Variants in PTBP3 observed in about 807,000 individuals in gnomAD.
PTBP3 encodes the protein polypyrimidine tract binding protein 3, also known as polypyrimidine tract-binding protein 3.
Under a neutral mutation model 58.7 loss-of-function variants are expected in PTBP3, and 20 were observed. That is an observed-to-expected ratio of 0.34 (90% CI 0.24 to 0.50). The LOEUF (loss-of-function observed/expected upper bound fraction) is 0.50. Among genes scored for constraint, PTBP3 ranks in the 20% least tolerant of loss-of-function variants. The pLI, the probability that PTBP3 is intolerant of heterozygous loss-of-function variation, is 0.98. For synonymous variants in PTBP3, 185 were observed against 219.8 expected (o/e 0.84, Z 1.40); for missense variants, 509 against 637.2 (o/e 0.80, Z 2.17).
At chr9:112,337,377 T>C (rs903919243), upstream of PTBP3, among the ~76,000 whole-genome samples, 1 of 152,196 alleles carries the variant, frequency 6.6e-6, no homozygotes, top group Non-Finnish European at 1.5e-5. Context: ...TGAGTCACTT[T>C]GATTCAAAAA....
intron 2 of PTBP3, among the ~76,000 whole-genome samples, chr9:112,288,598 T>C (rs572683174): frequency 3.9e-5 from 6 of 152,318 alleles, no homozygotes; most frequent in African/African-American, 9.6e-5. Context: ...AATCCTGTTG[T>C]ACTTGTTCTC....
chr9:112,306,400 T>C (rs1229374672), intron 1 of PTBP3, among the ~76,000 whole-genome samples: 2 of 151,214 alleles, frequency 1.3e-5, no homozygotes, highest in Admixed American at 6.6e-5. Flanking sequence ...GCTCAAGCTA[T>C]TTGCCCGCTT....
chr9:112,219,683 C>T lies in PTBP3; in HGVS notation c.*4168G>A, dbSNP rs1834737278. On this transcript the variant is annotated 3_prime_UTR_variant, in exon 14 of 14. Transcript: ENST00000374257. ...GATGAATAGTTGGTGGGACAACATT[C>T]TTTTAAAACTATATAGTACATATTT... 6.6e-6 allele frequency: 1 copy of T among 152,608 alleles called. No homozygotes were observed. The highest frequency in any genetic ancestry group is 1.5e-5 in the Non-Finnish European group (1 of 68,026). 9.5% of individuals were successfully genotyped at this position (152,608 alleles called of 1,614,324 possible).
At chr9:112,297,256 G>T (rs767038478) in intron 2 of PTBP3, among the ~76,000 whole-genome samples, 2 of 152,166 alleles carry the variant, frequency 1.3e-5, no homozygotes, top group Non-Finnish European at 2.9e-5. Flanking sequence ...CCAGGCTGAA[G>T]TGCAATGGCA....
At chr9:112,251,184 G>A in intron 6 of PTBP3, 81 bp from the exon 7 acceptor site, 2 of 1,181,208 alleles carry the variant, frequency 1.7e-6, no homozygotes, top group Non-Finnish European at 2.3e-6. Flanking sequence ...ACAAAGAGTG[G>A]CAATCAGGTG....
intron 12 of PTBP3, among the ~76,000 whole-genome samples, chr9:112,225,060 G>A (rs1474174963): frequency 2.0e-5 from 3 of 152,184 alleles, no homozygotes; most frequent in Admixed American, 6.6e-5. Context: ...GTAACAATAT[G>A]AGATAATAAA....
chr9:112,264,489 C>T (rs1353502847), intron 4 of PTBP3, among the ~76,000 whole-genome samples: 1 of 152,144 alleles, frequency 6.6e-6, no homozygotes. Context: ...CTGGCAAGTA[C>T]AATCATAAAC....
chr9:112,308,976 A>C (rs1344043390), intron 1 of PTBP3, among the ~76,000 whole-genome samples: 1 of 152,246 alleles, frequency 6.6e-6, no homozygotes. Flanking sequence ...TAAGTGTTTC[A>C]TCATCAAATT....
At chr9:112,224,758 G>A (rs752548226) in intron 12 of PTBP3, among the ~76,000 whole-genome samples, 1 of 152,170 alleles carries the variant, frequency 6.6e-6, no homozygotes, top group African/African-American at 2.4e-5. Flanking sequence ...CTGTAGAAAT[G>A]ACAATGTGTG....
the PTBP3 span, among the ~76,000 whole-genome samples, chr9:112,340,630 C>A: frequency 6.6e-6 from 1 of 152,156 alleles, no homozygotes; most frequent in Non-Finnish European, 1.5e-5. Flanking sequence ...CGCCTGTAAT[C>A]CCAGCACTTT....
At chr9:112,373,235 G>A in the PTBP3 span, among the ~76,000 whole-genome samples, 1 of 152,086 alleles carries the variant, frequency 6.6e-6, no homozygotes, top group African/African-American at 2.4e-5. Context: ...TGATCACAAG[G>A]TCCCACAATA....
chr9:112,285,509 A>G (rs1277154039), intron 2 of PTBP3, among the ~76,000 whole-genome samples: 3 of 152,230 alleles, frequency 2.0e-5, no homozygotes, highest in African/African-American at 7.2e-5. Context: ...CAATTAGATC[A>G]AGCTGGTTAA....
the PTBP3 span, among the ~76,000 whole-genome samples, chr9:112,358,024 T>G: frequency 2.0e-5 from 3 of 151,980 alleles, no homozygotes; most frequent in African/African-American, 7.2e-5. Context: ...ACAAAAAAAT[T>G]TGGCCAGGCG....
intron 1 of PTBP3, among the ~76,000 whole-genome samples, chr9:112,315,105 A>G (rs1430673562): frequency 2.6e-5 from 4 of 152,122 alleles, no homozygotes; most frequent in Non-Finnish European, 5.9e-5. Flanking sequence ...TGCTGGGATT[A>G]CAGGCATGAG....
chr9:112,257,987 TTTAG>T (rs1182442132), intron 5 of PTBP3, among the ~76,000 whole-genome samples: 1 of 151,936 alleles, frequency 6.6e-6, no homozygotes, highest in Non-Finnish European at 1.5e-5. Flanking sequence ...AGAATTTTTT[TTTAG>T]TATCAAGCAC....
At chr9:112,266,767 C>T (rs768007299) in intron 4 of PTBP3, among the ~76,000 whole-genome samples, 8 of 152,082 alleles carry the variant, frequency 5.3e-5, no homozygotes, top group South Asian at 4.1e-4. Context: ...GAATACACAC[C>T]GAATATTACC....
upstream of PTBP3, among the ~76,000 whole-genome samples, chr9:112,333,836 C>CGCCTCTCG (rs978140982): frequency 6.7e-5 from 10 of 150,158 alleles, no homozygotes; most frequent in African/African-American, 1.9e-4. Flanking sequence ...TGTAAGACCC[C>CGCCTCTCG]GCCTCTCGGC....
Position 112,326,393 on chromosome 9 carries a change from G to C in PTBP3, c.-52+7077C>G, listed in dbSNP as rs530894018. ...CCTTTGTAGTGTGAAAGGAGCTACGGACAATATGAATGAGCACAGCTGTGT... is the reference window on the plus strand; with the variant it reads ...CCTTTGTAGTGTGAAAGGAGCTACGCACAATATGAATGAGCACAGCTGTGT... On this transcript the variant is annotated intron_variant, in intron 1 of 13. Coordinates refer to ENST00000374257, the MANE Select transcript of PTBP3 (RefSeq NM_001163788.4). Among the ~76,000 whole-genome samples the C allele has an allele frequency of 2.0e-5, 3 of 152,284 alleles. No homozygotes were observed. In the South Asian group the frequency reaches 6.2e-4, roughly 32 times the overall value.
chr9:112,235,984 A>G (rs1044623848), intron 7 of PTBP3, among the ~76,000 whole-genome samples: 1 of 152,112 alleles, frequency 6.6e-6, no homozygotes, highest in Non-Finnish European at 1.5e-5. Flanking sequence ...AAAAAGGTAA[A>G]ACAACAGTAT....
Sources: allele counts gnomAD v4.1 joint callset (sites outside exome capture counted in the v4.1 genomes callset), GRCh38; gene constraint gnomAD v4.1.1; transcripts MANE v1.5; gene names NCBI Gene and HGNC (gene_info 2026-07-23, HGNC 2026-07-21).